The following BUD23 variants were observed in gnomAD, a reference collection of about 807,000 sequenced individuals.
The protein encoded by BUD23 is 18S rRNA (guanine-N(7))-methyltransferase.
A neutral mutation model predicts 47.0 loss-of-function variants in BUD23; 34 were observed. The observed-to-expected ratio is 0.72, with a 90% CI of 0.55 to 0.96. The LOEUF (loss-of-function observed/expected upper bound fraction) is 0.96. BUD23 is among the 40% of genes least tolerant of loss of function. BUD23 has a pLI of 0.00. For missense variants in BUD23, 343 were observed against 361.2 expected (o/e 0.95, Z 0.41); for synonymous variants, 124 against 132.0 (o/e 0.94, Z 0.41).
rs56229090 is a variant in BUD23, at chr7:73,684,923, CAAAAAAAAAAAAAAAAAAAAAAA to C, written c.86+1133_86+1155del. Reference sequence around the variant, plus strand: ...TGGGCGACAGAGCAAGACTTTGTTTCAAAAAAAAAAAAAAAAAAAAAAAAAAAAAAAAAAAAGATACTTTGTGG... The same window carrying C: ...TGGGCGACAGAGCAAGACTTTGTTTCAAAAAAAAAAAAAGATACTTTGTGG... On this transcript the variant is annotated intron_variant, in intron 2 of 11. Coordinates refer to ENST00000265758, the MANE Select transcript of BUD23 (RefSeq NM_017528.5). Among the ~76,000 whole-genome samples the C allele has an allele frequency of 2.6e-4, 13 of 49,136 alleles. No homozygotes were observed. The East Asian group carries it at 6.5e-3, about 24-fold the overall frequency. 32.2% of individuals were successfully genotyped at this position (49,136 alleles called of 152,430 possible). A position where few individuals can be genotyped will look rare whatever the true frequency, so the allele number is the denominator to read the frequency against.
At position 73,683,806 on chromosome 7, in the gene BUD23, T is replaced by C; in HGVS notation, c.86+2T>C. 1 of 1,614,036 alleles carries C rather than the reference T, an allele frequency of 6.2e-7. No individual in the cohort carries two copies. Among genetic ancestry groups the C allele is most frequent in the Non-Finnish European group, 8.5e-7 (1 of 1,180,018 alleles). On this transcript the variant is annotated splice_donor_variant, in intron 2 of 11. Coordinates refer to ENST00000265758, the MANE Select transcript of BUD23 (RefSeq NM_017528.5). LOFTEE classifies it high-confidence loss of function. ...AGAAGCCCGGAAATACGTTCGCAAGTGAGGGGAGCCTGAATACTGCGGGGC... is the reference window on the plus strand; with the variant it reads ...AGAAGCCCGGAAATACGTTCGCAAGCGAGGGGAGCCTGAATACTGCGGGGC...
intron 10 of BUD23, chr7:73,694,503 A>ACC (rs1167729560): frequency 6.5e-6 from 1 of 154,004 alleles, no homozygotes; most frequent in African/African-American, 2.4e-5. Flanking sequence ...ACAACAACTA[A>ACC]CCACCCCGTT....
intron 5 of BUD23, among the ~76,000 whole-genome samples, chr7:73,689,150 A>G (rs542920225): frequency 1.3e-5 from 2 of 152,220 alleles, no homozygotes; most frequent in South Asian, 4.1e-4. Flanking sequence ...CCTGGGTTCA[A>G]GCGATTCTCC....
intron 6 of BUD23, among the ~76,000 whole-genome samples, chr7:73,692,235 C>G (rs1798222574): frequency 6.6e-6 from 1 of 152,194 alleles, no homozygotes. Flanking sequence ...AAGGCTCCTC[C>G]CTTATATGTT....
chr7:73,692,378 A>G (rs1554614170), intron 6 of BUD23, among the ~76,000 whole-genome samples: 1 of 152,250 alleles, frequency 6.6e-6, no homozygotes, highest in Non-Finnish European at 1.5e-5. Flanking sequence ...TTTGTAACAA[A>G]GAAAAAATTT....
chr7:73,697,580 G>A, intron 10 of BUD23, 25 bp from the exon 11 acceptor site: 1 of 1,613,394 alleles, frequency 6.2e-7, no homozygotes, highest in Admixed American at 1.7e-5. Context: ...CTGTCCATCA[G>A]CTCATAGCTG....
intron 5 of BUD23, among the ~76,000 whole-genome samples, chr7:73,689,931 G>A (rs1366585389): frequency 6.6e-6 from 1 of 152,134 alleles, no homozygotes; most frequent in African/African-American, 2.4e-5. Flanking sequence ...AAGCCAGTGG[G>A]GTGGAGGTAG....
chr7:73,683,729 G>A (rs377048761), intron 1 of BUD23, 38 bp from the exon 2 acceptor site: 2 of 1,614,062 alleles, frequency 1.2e-6, no homozygotes, highest in African/African-American at 1.3e-5. Flanking sequence ...CACCGCGTCT[G>A]AATTATTCCT....
chr7:73,687,010 G>C lies in BUD23; in HGVS notation c.277G>C (p.Asp93His), dbSNP rs1554613160. Residue 93 changes from aspartate to histidine, a missense_variant, in exon 5 of 12, where the codon GAC (aspartate) becomes CAC (histidine). By Grantham distance (81) the Asp-to-His change is moderately conservative. Coordinates refer to ENST00000265758, the MANE Select transcript of BUD23 (RefSeq NM_017528.5). ...ISPAMLDEAV[D>H]REIEGDLLLG... ...TTTCTCTAATGTAGATGAGGCTGTG[G>C]ACCGAGAGATAGAGGGAGACCTGCT... 6.2e-7 allele frequency: 1 copy of C among 1,614,184 alleles called. No homozygotes were observed. Among genetic ancestry groups the C allele is most frequent in the Non-Finnish European group, 8.5e-7 (1 of 1,180,038 alleles).
At chr7:73,697,098 G>T (rs1584231246) in intron 10 of BUD23, 1 of 277,888 alleles carries the variant, frequency 3.6e-6, no homozygotes, top group East Asian at 9.0e-5. Flanking sequence ...GGTTTCTACG[G>T]ATGGTCACAG....
intron 4 of BUD23, 28 bp downstream of exon 4, chr7:73,686,928 T>C: frequency 6.2e-7 from 1 of 1,614,030 alleles, no homozygotes. Context: ...GGCACCAGGG[T>C]GGATTACCCT....
At chr7:73,688,186 G>A (rs560432501) in intron 5 of BUD23, among the ~76,000 whole-genome samples, 11 of 152,132 alleles carry the variant, frequency 7.2e-5, no homozygotes, top group African/African-American at 2.2e-4. Flanking sequence ...GTGAGCCACC[G>A]CGCCCAGCCT....
chr7:73,688,920 C>T (rs959539982), intron 5 of BUD23, among the ~76,000 whole-genome samples: 1 of 152,088 alleles, frequency 6.6e-6, no homozygotes, highest in South Asian at 2.1e-4. Flanking sequence ...TCAAGGGTAG[C>T]AGATGCTTTT....
chr7:73,693,748 G>C (rs1798285733), intron 9 of BUD23, 79 bp downstream of exon 9: 1 of 1,572,014 alleles, frequency 6.4e-7, no homozygotes, highest in African/African-American at 1.4e-5. Context: ...GAGCCTGCTG[G>C]GAGAACACTG....
At chr7:73,693,589 C>A (rs782561715) in intron 8 of BUD23, 35 bp from the exon 9 acceptor site, 150 of 1,613,874 alleles carry the variant, frequency 9.3e-5, no homozygotes, top group Non-Finnish European at 1.2e-4. Context: ...GGGGCTTTCT[C>A]CACCCAACCC....
chr7:73,691,069 C>A, intron 6 of BUD23, 57 bp downstream of exon 6: 2 of 1,475,230 alleles, frequency 1.4e-6, no homozygotes, highest in Non-Finnish European at 1.9e-6. Flanking sequence ...CCTAGCACTG[C>A]AGGTAGAGTG....
intron 2 of BUD23, among the ~76,000 whole-genome samples, chr7:73,685,135 C>A (rs1554612746): frequency 6.6e-6 from 1 of 151,776 alleles, no homozygotes; most frequent in Non-Finnish European, 1.5e-5. Context: ...TGGTGAAATC[C>A]CGTCTCTACT....
rs782352354 is a variant in BUD23, at chr7:73,683,634, C to T, written c.9C>T (p.Ser3=). 1.2e-6 allele frequency: 2 copies of T among 1,610,798 alleles called. No homozygotes were observed. The highest frequency in any genetic ancestry group is 8.5e-7 in the Non-Finnish European group (1 of 1,178,946). MA[S]RGRRPEHGGP... The stretch of plus-strand genomic sequence containing the variant: ...GCTGCTGAGGCGTGAGAATGGCGTC[C>T]CGCGGCCGGCGTCCGGAGCATGGCG... Residue 3 remains serine (S), a synonymous_variant, in exon 1 of 12, where the codon TCC becomes TCT. Coordinates refer to ENST00000265758, the MANE Select transcript of BUD23 (RefSeq NM_017528.5).
At chr7:73,684,140 C>T (rs1355456504) in intron 2 of BUD23, 5 of 576,178 alleles carry the variant, frequency 8.7e-6, no homozygotes, top group Non-Finnish European at 1.5e-5. Context: ...GAAGTAATGG[C>T]CGTAGGATGC....
Sources: allele counts gnomAD v4.1 joint callset (sites outside exome capture counted in the v4.1 genomes callset), GRCh38; gene constraint gnomAD v4.1.1; transcripts MANE v1.5; gene names NCBI Gene and HGNC (gene_info 2026-07-23, HGNC 2026-07-21).